Variants in MMP26 observed in about 807,000 individuals in gnomAD.
The protein encoded by MMP26 is matrix metallopeptidase 26.
MMP26 carries 33 observed loss-of-function variants against 31.0 expected under a neutral mutation model. The ratio of observed to expected loss-of-function variants is 1.06; its 90% CI spans 0.81 to 1.42. MMP26 has a LOEUF of 1.42. MMP26 is among the 40% of genes most tolerant of loss of function. MMP26 has a pLI of 0.00. For synonymous variants in MMP26, 122 were observed against 114.9 expected (o/e 1.06, Z -0.40); for missense variants, 347 against 316.1 (o/e 1.10, Z -0.74).
chr11:4,771,935 G>C (rs1055999206), intron 2 of MMP26, among the ~76,000 whole-genome samples: 2 of 152,134 alleles, frequency 1.3e-5, no homozygotes, highest in African/African-American at 2.4e-5. Flanking sequence ...CAAAGTAAAA[G>C]TCAACACGAT....
intron 2 of MMP26, chr11:4,822,285 GC>G (rs757719571): frequency 6.4e-7 from 1 of 1,551,832 alleles, no homozygotes; most frequent in South Asian, 1.2e-5. Context: ...TCCCTCCTGT[GC>G]TCAACCCTAT....
chr11:4,954,692 T>C, intron 2 of MMP26: 1 of 691,702 alleles, frequency 1.4e-6, no homozygotes, highest in Non-Finnish European at 2.4e-6. Flanking sequence ...TTGATAATTC[T>C]TGGTGTCAAA....
At chr11:4,981,955 G>C (rs1182353374) in intron 2 of MMP26, among the ~76,000 whole-genome samples, 1 of 151,718 alleles carries the variant, frequency 6.6e-6, no homozygotes, top group Non-Finnish European at 1.5e-5. Flanking sequence ...AAGGTCTTCA[G>C]GGTGCATGGA....
chr11:4,868,339 C>T (rs1392075290), intron 2 of MMP26, among the ~76,000 whole-genome samples: 2 of 152,142 alleles, frequency 1.3e-5, no homozygotes, highest in African/African-American at 4.8e-5. Context: ...AGCTCAAAAT[C>T]TCCTTAAGCT....
chr11:4,908,478 A>G (rs1331669096), intron 2 of MMP26: 1 of 659,750 alleles, frequency 1.5e-6, no homozygotes, highest in Non-Finnish European at 2.6e-6. Context: ...GGATAGAAAA[A>G]AAAGTCAAGA....
intron 2 of MMP26, among the ~76,000 whole-genome samples, chr11:4,881,500 A>C (rs946808197): frequency 6.6e-6 from 1 of 152,168 alleles, no homozygotes; most frequent in Non-Finnish European, 1.5e-5. Context: ...TCATGAGAAC[A>C]TAGTTCTCTA....
intron 1 of MMP26, chr11:4,722,629 C>A: frequency 1.6e-6 from 1 of 629,252 alleles, no homozygotes; most frequent in Non-Finnish European, 2.8e-6. Context: ...TAGGGCTGAG[C>A]CTCAGGTGGG....
chr11:4,747,857 C>T (rs1231896522), intron 1 of MMP26, among the ~76,000 whole-genome samples: 1 of 151,900 alleles, frequency 6.6e-6, no homozygotes, highest in Non-Finnish European at 1.5e-5. Flanking sequence ...ATAGAAAGAT[C>T]ACAAGTTAAC....
intron 2 of MMP26, among the ~76,000 whole-genome samples, chr11:4,874,177 C>T (rs956561267): frequency 1.3e-5 from 2 of 152,012 alleles, no homozygotes; most frequent in Non-Finnish European, 2.9e-5. Flanking sequence ...ACTAGTCACA[C>T]GTGGCTATTG....
At chr11:4,705,980 GT>G (rs1847770907) in intron 1 of MMP26, among the ~76,000 whole-genome samples, 1 of 146,012 alleles carries the variant, frequency 6.8e-6, no homozygotes, top group Admixed American at 6.8e-5. Context: ...GCGGGTGGTG[GT>G]GGTGGTGGTG....
intron 2 of MMP26, among the ~76,000 whole-genome samples, chr11:4,987,475 G>A (rs181220078): frequency 0.035 from 5,304 of 151,910 alleles, 154 homozygotes; most frequent in Admixed American, 0.056. Context: ...CTGGAGTGCA[G>A]TGGCGCGATC....
chr11:4,777,489 A>G (rs1848804691), intron 2 of MMP26, among the ~76,000 whole-genome samples: 1 of 152,190 alleles, frequency 6.6e-6, no homozygotes, highest in Admixed American at 6.5e-5. Context: ...AAGTATACAT[A>G]CATCACAGTA....
At chr11:4,946,895 G>A (rs758219998) in intron 2 of MMP26, 86 of 1,606,546 alleles carry the variant, frequency 5.4e-5, no homozygotes, top group Non-Finnish European at 7.2e-5. Flanking sequence ...GTCTGACATA[G>A]CCAACATGGA....
At chr11:4,789,950 G>A (rs1849001279) in intron 2 of MMP26, among the ~76,000 whole-genome samples, 1 of 152,064 alleles carries the variant, frequency 6.6e-6, no homozygotes, top group Admixed American at 6.6e-5. Context: ...TAGATAAGAA[G>A]ATTGCATGTA....
At chr11:4,779,314 TGTA>T (rs149146122) in intron 2 of MMP26, among the ~76,000 whole-genome samples, 14,382 of 152,076 alleles carry the variant, frequency 0.095, 841 homozygotes, top group Middle Eastern at 0.15. Flanking sequence ...TGGAGAATAA[TGTA>T]GTTTTTCTCT....
rs71050424 is a variant in MMP26, at chr11:4,716,650, C to CTTTTTTTTTT, written c.-217+11624_-217+11633dup. Among the ~76,000 whole-genome samples, 37 of 65,042 alleles carry CTTTTTTTTTT rather than the reference C, an allele frequency of 5.7e-4. 7 individuals carry two copies. Among genetic ancestry groups the CTTTTTTTTTT allele is most frequent in the East Asian group, 1.4e-3 (3 of 2,122 alleles). 42.7% of individuals were successfully genotyped at this position (65,042 alleles called of 152,430 possible). On this transcript the variant is annotated intron_variant, in intron 1 of 7. Coordinates refer to ENST00000380390, the MANE Select transcript of MMP26 (RefSeq NM_021801.5). ...ATTCCATACTTGATCTCTCTTACCT[C>CTTTTTTTTTT]TTTTTTTTTTTTTTTTTTTTTTTTT...
chr11:4,934,249 C>T (rs376121688), intron 2 of MMP26, among the ~76,000 whole-genome samples: 4 of 150,564 alleles, frequency 2.7e-5, no homozygotes, highest in East Asian at 1.9e-4. Context: ...TTTCCTGACT[C>T]TTTAATGATT....
intron 1 of MMP26, among the ~76,000 whole-genome samples, chr11:4,724,924 C>A (rs1848076975): frequency 6.6e-6 from 1 of 152,210 alleles, no homozygotes; most frequent in Non-Finnish European, 1.5e-5. Flanking sequence ...CTGCCTAAAT[C>A]TCACAATGAA....
chr11:4,853,022 A>C (rs528821385), intron 2 of MMP26, among the ~76,000 whole-genome samples: 1 of 152,342 alleles, frequency 6.6e-6, no homozygotes, highest in South Asian at 2.1e-4. Context: ...GAAACAGAAC[A>C]GAAGGGTGAT....
Sources: gnomAD v4.1 joint callset for allele counts (sites outside exome capture counted in the v4.1 genomes callset) on GRCh38, gnomAD v4.1.1 for gene constraint, MANE v1.5 for transcripts, NCBI Gene and HGNC (gene_info 2026-07-23, HGNC 2026-07-21) for gene names.